Variants in FOCAD observed in about 807,000 individuals in gnomAD.
FOCAD encodes the protein focadhesin, also known as KIAA1797.
FOCAD carries 198 observed loss-of-function variants against 225.6 expected under a neutral mutation model. That is an observed-to-expected ratio of 0.88 (90% CI 0.78 to 0.99). The LOEUF is 0.99. Among genes scored for constraint, FOCAD ranks in the 50% least tolerant of loss-of-function variants. The pLI, the probability that FOCAD is intolerant of heterozygous loss-of-function variation, is 0.00. For missense variants in FOCAD, 2,713 were observed against 2,123.6 expected, an observed-to-expected ratio of 1.28 and a Z score of -5.46; for synonymous variants, 897 against 755.0, an observed-to-expected ratio of 1.19 and a Z score of -3.08.
At chr9:20,932,511 G>T (rs1835578006) in intron 27 of FOCAD, among the ~76,000 whole-genome samples, 1 of 151,928 alleles carries the variant, frequency 6.6e-6, no homozygotes, top group African/African-American at 2.4e-5. Flanking sequence ...ACAAATATAG[G>T]TCTAGGATTT....
chr9:20,663,206 G>A (rs959756681), intron 2 of FOCAD, among the ~76,000 whole-genome samples: 1 of 151,952 alleles, frequency 6.6e-6, no homozygotes, highest in African/African-American at 2.4e-5. Flanking sequence ...GGGCAACATA[G>A]TGAGACTGCC....
At chr9:20,720,097 T>C (rs1175471418) in intron 3 of FOCAD, among the ~76,000 whole-genome samples, 6 of 152,190 alleles carry the variant, frequency 3.9e-5, no homozygotes, top group Non-Finnish European at 1.5e-5. Context: ...AAGTTTTAGC[T>C]TTGTTGTGTT....
At chr9:20,713,179 T>C (rs1563903816) in intron 1 of FOCAD, among the ~76,000 whole-genome samples, 1 of 152,232 alleles carries the variant, frequency 6.6e-6, no homozygotes, top group Non-Finnish European at 1.5e-5. Flanking sequence ...TCACTCAGGA[T>C]AAGTGTGTCA....
intron 15 of FOCAD, among the ~76,000 whole-genome samples, chr9:20,831,559 G>A (rs554199572): frequency 1.3e-5 from 2 of 152,114 alleles, no homozygotes; most frequent in East Asian, 1.9e-4. Flanking sequence ...AGAAATGTTC[G>A]GGGGAGAGAT....
At chr9:20,732,460 A>G (rs573158065) in intron 4 of FOCAD, among the ~76,000 whole-genome samples, 1 of 152,334 alleles carries the variant, frequency 6.6e-6, no homozygotes, top group East Asian at 1.9e-4. Flanking sequence ...GATGGCCTGA[A>G]AGAATGCTAA....
rs553044644 is a variant in FOCAD at position 20,791,744 on chromosome 9, C to T, written c.1455+2136C>T. On this transcript the variant is annotated intron_variant, in intron 11 of 43. Coordinates refer to ENST00000338382, the MANE Select transcript of FOCAD (RefSeq NM_001375567.1). ...TAATGGGGCACTTTACTTGGCCATCCTGGGTAGAATAGAAGTAGGTGAAGT... is the reference window on the plus strand; with the variant it reads ...TAATGGGGCACTTTACTTGGCCATCTTGGGTAGAATAGAAGTAGGTGAAGT... 3.3e-5 allele frequency among the ~76,000 whole-genome samples: 5 copies of T among 152,252 alleles called. No homozygotes were observed. In the East Asian group the frequency reaches 9.7e-4, roughly 29 times the overall value.
Position 20,819,814 on chromosome 9 carries a change from G to T in FOCAD, c.1474G>T (p.Val492Phe). The change falls in exon 12 of 44, where the codon GTT becomes TTT. Residue 492 changes from valine (V) to phenylalanine (F), a missense_variant. Physicochemically the swap from Val to Phe is conservative, Grantham distance 50 (BLOSUM62 -1). Transcript: ENST00000338382. ...ATTTTAGGTGCCAAATCTGATTCCA[G>T]TTTTGATGTTCAAATTGGGAAGACC... Reference protein sequence around the residue: ...DSSQVPNLIPVLMFKLGRPLE... With the variant: ...DSSQVPNLIPFLMFKLGRPLE... 2 of 1,531,512 alleles carry T rather than the reference G, an allele frequency of 1.3e-6. No homozygotes were observed. The highest frequency in any genetic ancestry group is 1.4e-5 in the African/African-American group (1 of 71,152). The allele number at this position is 1,531,512 out of a possible 1,614,324, so 94.9% of individuals were successfully genotyped here.
chr9:20,892,962 T>C (rs1253701762), intron 21 of FOCAD, among the ~76,000 whole-genome samples: 1 of 152,050 alleles, frequency 6.6e-6, no homozygotes, highest in Non-Finnish European at 1.5e-5. Flanking sequence ...CACAAAAATA[T>C]TAGGAGTTGC....
rs1383679011 is a variant in FOCAD, at chr9:20,796,129, A to G, written c.1455+6521A>G. Among the ~76,000 whole-genome samples the G allele has an allele frequency of 5.9e-5, 9 of 152,178 alleles. 1 individual carries two copies. In the South Asian group the frequency reaches 1.7e-3, roughly 28 times the overall value. On this transcript the variant is annotated intron_variant, in intron 11 of 43. Coordinates refer to ENST00000338382, the MANE Select transcript of FOCAD (RefSeq NM_001375567.1). The stretch of plus-strand genomic sequence containing the variant: ...GGTTTCCAGCTTCATCCATGTCCCT[A>G]CAAAGGACATGAACTCATAATTTTT...
chr9:20,858,252 G>A (rs1195572702), intron 15 of FOCAD, among the ~76,000 whole-genome samples: 1 of 151,942 alleles, frequency 6.6e-6, no homozygotes, highest in East Asian at 1.9e-4. Context: ...CTTTGTTATG[G>A]CTGCAATCTC....
intron 8 of FOCAD, among the ~76,000 whole-genome samples, chr9:20,773,235 T>C (rs1818412743): frequency 6.6e-6 from 1 of 152,338 alleles, no homozygotes; most frequent in East Asian, 1.9e-4. Flanking sequence ...ATTAAGCAGA[T>C]GCCTATGGCA....
chr9:20,689,718 G>T (rs1381425410), intron 1 of FOCAD, among the ~76,000 whole-genome samples: 27 of 152,152 alleles, frequency 1.8e-4, no homozygotes, highest in Admixed American at 1.7e-3. Flanking sequence ...GCTTAGATTT[G>T]GGTATAAGGG....
intron 11 of FOCAD, among the ~76,000 whole-genome samples, chr9:20,796,467 C>T (rs1821119132): frequency 6.6e-6 from 1 of 152,184 alleles, no homozygotes; most frequent in African/African-American, 2.4e-5. Flanking sequence ...CACATCCTCT[C>T]CAGCACCTGT....
chr9:20,964,865 GGA>G (rs1839118489), intron 35 of FOCAD, among the ~76,000 whole-genome samples: 1 of 152,092 alleles, frequency 6.6e-6, no homozygotes, highest in Non-Finnish European at 1.5e-5. Flanking sequence ...TTGTTGGAGG[GGA>G]GAGAAGCATC....
At chr9:20,982,565 A>G in intron 39 of FOCAD, 119 bp downstream of exon 39, 1 of 746,676 alleles carries the variant, frequency 1.3e-6, no homozygotes. Flanking sequence ...GGTTAATTTC[A>G]GGAAACTATA....
rs558547536 is a variant in FOCAD, at chr9:20,725,300, G to A, written c.287+4766G>A. 2.0e-5 allele frequency among the ~76,000 whole-genome samples: 3 copies of A among 152,190 alleles called. No homozygotes were observed. The East Asian group carries it at 5.8e-4, about 29-fold the overall frequency. On this transcript the variant is annotated intron_variant, in intron 4 of 43. Coordinates refer to ENST00000338382, the MANE Select transcript of FOCAD (RefSeq NM_001375567.1). ...CTTCTCTTTAATTAGAGGTTTATTG[G>A]AATCTAAAGGCACTTTGGGAACTGA...
chr9:20,782,159 C>G (rs1375145444), intron 10 of FOCAD, among the ~76,000 whole-genome samples: 5 of 152,140 alleles, frequency 3.3e-5, no homozygotes, highest in African/African-American at 1.2e-4. Context: ...CTCTGAAAAT[C>G]CAGTGCACAA....
intron 25 of FOCAD, among the ~76,000 whole-genome samples, chr9:20,924,067 C>G (rs1443474913): frequency 6.6e-6 from 1 of 152,168 alleles, no homozygotes; most frequent in African/African-American, 2.4e-5. Flanking sequence ...ACTAGGCTTA[C>G]TGAAAGTGAA....
chr9:20,912,071 T>A (rs566604807), intron 22 of FOCAD, among the ~76,000 whole-genome samples: 1 of 152,156 alleles, frequency 6.6e-6, no homozygotes, highest in Admixed American at 6.6e-5. Context: ...CCAGAACTCT[T>A]GTTTACTGCT....
Sources: gnomAD v4.1 joint callset for allele counts (sites outside exome capture counted in the v4.1 genomes callset) on GRCh38, gnomAD v4.1.1 for gene constraint, MANE v1.5 for transcripts, NCBI Gene and HGNC (gene_info 2026-07-23, HGNC 2026-07-21) for gene names.